CCDC69: variants seen among roughly 807,000 people sequenced by gnomAD.
The protein encoded by CCDC69 is coiled-coil domain containing 69, also known as coiled-coil domain-containing protein 69.
A neutral mutation model predicts 40.3 loss-of-function variants in CCDC69; 38 were observed. That is an observed-to-expected ratio of 0.94 (90% CI 0.73 to 1.24). The LOEUF (loss-of-function observed/expected upper bound fraction) is 1.24. Ranked by LOEUF, CCDC69 falls within the 50% of genes most tolerant of loss-of-function variation. CCDC69 has a pLI of 0.00. For missense variants in CCDC69, 389 were observed against 357.9 expected (o/e 1.09, Z -0.70); for synonymous variants, 141 against 138.9 (o/e 1.02, Z -0.11).
chr5:151,192,087 GA>G (rs34310340), intron 4 of CCDC69, among the ~76,000 whole-genome samples: 16,597 of 38,324 alleles, frequency 0.43, 1,699 homozygotes, highest in Admixed American at 0.52. Context: ...CCTGTCTCAG[GA>G]AAAAAAAAAA....
Position 151,181,597 on chromosome 5 carries a change from T to C in CCDC69, c.*1840A>G, listed in dbSNP as rs1013145479. Reference sequence around the variant, plus strand: ...AGGTGTGGGAGGGACAGAAGCTTTGTTCAAAGAGGTTTGGGAGAGGCTGGA... The same window carrying C: ...AGGTGTGGGAGGGACAGAAGCTTTGCTCAAAGAGGTTTGGGAGAGGCTGGA... On this transcript the variant is annotated 3_prime_UTR_variant, in exon 9 of 9. Coordinates refer to ENST00000355417, the MANE Select transcript of CCDC69 (RefSeq NM_015621.3). 2 of 152,268 alleles carry C rather than the reference T, an allele frequency of 1.3e-5. No homozygotes were observed. The highest frequency in any genetic ancestry group is 4.8e-5 in the African/African-American group (2 of 41,444). 9.4% of individuals were successfully genotyped at this position (152,268 alleles called of 1,614,324 possible).
intron 1 of CCDC69, among the ~76,000 whole-genome samples, chr5:151,206,981 A>G (rs1752861704): frequency 6.6e-6 from 1 of 150,688 alleles, no homozygotes; most frequent in South Asian, 2.1e-4. Context: ...GCTGGAGTGC[A>G]ATTGCGTGAT....
At chr5:151,183,896 C>T (rs969445306) in intron 8 of CCDC69, among the ~76,000 whole-genome samples, 3 of 152,286 alleles carry the variant, frequency 2.0e-5, no homozygotes, top group Non-Finnish European at 2.9e-5. Context: ...TCAGTCTTCT[C>T]ATTTGTAAAA....
intron 4 of CCDC69, among the ~76,000 whole-genome samples, chr5:151,196,548 C>T (rs1752702978): frequency 6.6e-6 from 1 of 152,144 alleles, no homozygotes; most frequent in Non-Finnish European, 1.5e-5. Context: ...TTTTCAAGGT[C>T]AATTTCAGTA....
At chr5:151,208,123 C>T (rs1438927405) in intron 1 of CCDC69, among the ~76,000 whole-genome samples, 1 of 152,030 alleles carries the variant, frequency 6.6e-6, no homozygotes, top group Non-Finnish European at 1.5e-5. Context: ...TGGTGGCGCA[C>T]ACCTGTAATC....
chr5:151,218,823 C>A (rs1753091787), intron 1 of CCDC69, among the ~76,000 whole-genome samples: 1 of 152,202 alleles, frequency 6.6e-6, no homozygotes, highest in African/African-American at 2.4e-5. Context: ...GGGAACTCGT[C>A]AGGCTCTCAG....
rs73796636 is a variant in CCDC69 at position 151,222,570 on chromosome 5, A to C, written c.48+1353T>G. On this transcript the variant is annotated intron_variant, in intron 1 of 8. Transcript: ENST00000355417. ...GAGAAACTGAGACCCAGGGAGACACAAGGGCTTGCTTGGGGTCACCCAGTA... is the reference window on the plus strand; with the variant it reads ...GAGAAACTGAGACCCAGGGAGACACCAGGGCTTGCTTGGGGTCACCCAGTA... 9.8e-3 allele frequency among the ~76,000 whole-genome samples: 1,492 copies of C among 152,340 alleles called. 22 individuals carry two copies. Among genetic ancestry groups the C allele is most frequent in the African/African-American group, 0.033 (1,377 of 41,570 alleles).
At chr5:151,188,973 T>C (rs1752565699) in intron 4 of CCDC69, among the ~76,000 whole-genome samples, 1 of 152,148 alleles carries the variant, frequency 6.6e-6, no homozygotes, top group South Asian at 2.1e-4. Flanking sequence ...AAACCCAGAA[T>C]CTCACGTATT....
chr5:151,199,314 G>A (rs531574728), intron 3 of CCDC69, among the ~76,000 whole-genome samples: 140 of 152,242 alleles, frequency 9.2e-4, no homozygotes, highest in Non-Finnish European at 1.6e-4. Flanking sequence ...TTATCCACAT[G>A]GAAAAGGATT....
intron 2 of CCDC69, 51 bp downstream of exon 2, chr5:151,205,349 G>A (rs760075608): frequency 2.2e-6 from 3 of 1,359,494 alleles, no homozygotes; most frequent in Admixed American, 3.4e-5. Context: ...TGATTATAAG[G>A]TAGGAACCTC....
intron 1 of CCDC69, among the ~76,000 whole-genome samples, chr5:151,219,928 CT>C (rs1028666986): frequency 6.6e-6 from 1 of 151,974 alleles, no homozygotes; most frequent in African/African-American, 2.4e-5. Flanking sequence ...CCTTTGAGGC[CT>C]TTTTTTGGCC....
At chr5:151,209,782 G>A (rs567353943) in intron 1 of CCDC69, among the ~76,000 whole-genome samples, 35 of 152,164 alleles carry the variant, frequency 2.3e-4, no homozygotes, top group Non-Finnish European at 3.5e-4. Context: ...ATTTTGCCAT[G>A]CTGCTCAGGA....
chr5:151,201,618 C>A lies in CCDC69; in HGVS notation c.195G>T (p.Gln65His), dbSNP rs1170187727. 7 of 1,613,438 alleles carry A rather than the reference C, an allele frequency of 4.3e-6. No homozygotes were observed. Among genetic ancestry groups the A allele is most frequent in the Non-Finnish European group, 5.9e-6 (7 of 1,179,710 alleles). The change falls in exon 3 of 9, where the codon CAG becomes CAT. Residue 65 changes from glutamine to histidine, a missense_variant. Gln to His is a conservative substitution (Grantham distance 24). Transcript: ENST00000355417. Reference sequence around the variant, plus strand: ...ATTTCTTCTTTTCCTCCTCATGTTGCTGGAGAATTCTGGTTATATCCTTCT... The same window carrying A: ...ATTTCTTCTTTTCCTCCTCATGTTGATGGAGAATTCTGGTTATATCCTTCT... ...RHQKDITRIL[Q>H]QHEEEKKKWA...
At chr5:151,192,916 T>G (rs1184501951) in intron 4 of CCDC69, among the ~76,000 whole-genome samples, 1 of 151,856 alleles carries the variant, frequency 6.6e-6, no homozygotes, top group African/African-American at 2.4e-5. Flanking sequence ...AAAAAAAATT[T>G]GAAAAAATAA....
intron 5 of CCDC69, 148 bp from the exon 6 acceptor site, chr5:151,186,272 G>T: frequency 1.6e-6 from 1 of 643,476 alleles, no homozygotes; most frequent in South Asian, 1.7e-5. Context: ...AACATACTTC[G>T]ACCACTGCTT....
chr5:151,209,492 GA>G (rs1322992845), intron 1 of CCDC69, among the ~76,000 whole-genome samples: 6 of 152,098 alleles, frequency 3.9e-5, no homozygotes, highest in Non-Finnish European at 5.9e-5. Flanking sequence ...CCCAGCTCTT[GA>G]CAAAACAAGA....
intron 1 of CCDC69, 56 bp downstream of exon 1, chr5:151,223,867 G>C: frequency 6.4e-7 from 1 of 1,552,096 alleles, no homozygotes; most frequent in Non-Finnish European, 8.8e-7. Flanking sequence ...CTGCGGCGGA[G>C]CGATTCCGCA....
At chr5:151,207,055 A>G (rs949825637) in intron 1 of CCDC69, among the ~76,000 whole-genome samples, 15 of 151,960 alleles carry the variant, frequency 9.9e-5, no homozygotes, top group African/African-American at 3.6e-4. Context: ...AGTGGCTGAG[A>G]CTACAGGCAT....
intron 3 of CCDC69, among the ~76,000 whole-genome samples, chr5:151,200,370 G>A (rs371082981): frequency 7.2e-5 from 11 of 152,248 alleles, no homozygotes; most frequent in East Asian, 1.9e-4. Context: ...AACTCCTGAC[G>A]TCAGGTGATC....
Sources: gnomAD v4.1 joint callset for allele counts (sites outside exome capture counted in the v4.1 genomes callset) on GRCh38, gnomAD v4.1.1 for gene constraint, MANE v1.5 for transcripts, NCBI Gene and HGNC (gene_info 2026-07-23, HGNC 2026-07-21) for gene names.